The following BBX variants were observed in gnomAD, a reference collection of about 807,000 sequenced individuals.
The protein encoded by BBX is HMG box transcription factor BBX.
BBX carries 30 observed loss-of-function variants against 100.2 expected under a neutral mutation model. That is an observed-to-expected ratio of 0.30 (90% CI 0.22 to 0.41). The LOEUF is 0.41. BBX is among the 10% of genes least tolerant of loss of function. The pLI is 1.00. For synonymous variants in BBX, 376 were observed against 388.1 expected (o/e 0.97, Z 0.37); for missense variants, 1,023 against 1,129.8 (o/e 0.91, Z 1.35).
At chr3:107,622,679 C>CT (rs1056020702) in intron 2 of BBX, among the ~76,000 whole-genome samples, 3 of 152,066 alleles carry the variant, frequency 2.0e-5, no homozygotes, top group Non-Finnish European at 4.4e-5. Flanking sequence ...GCTTGAGTGT[C>CT]TTTTTTCTGT....
At chr3:107,590,590 A>G (rs917358299) in intron 2 of BBX, among the ~76,000 whole-genome samples, 4 of 152,132 alleles carry the variant, frequency 2.6e-5, no homozygotes, top group African/African-American at 7.2e-5. Context: ...GCTCCCATGT[A>G]TGAGTGAGAA....
chr3:107,526,496 AC>A (rs1036002760), intron 2 of BBX, 98 bp downstream of exon 2: 3 of 396,316 alleles, frequency 7.6e-6, no homozygotes, highest in African/African-American at 6.2e-5. Flanking sequence ...TATTGGGGTT[AC>A]AGCACCCCAG....
chr3:107,601,600 A>G (rs894472130), intron 2 of BBX, among the ~76,000 whole-genome samples: 2 of 152,204 alleles, frequency 1.3e-5, no homozygotes, highest in Admixed American at 6.5e-5. Flanking sequence ...ACTCTCTTCA[A>G]TCCTCTGAAG....
At chr3:107,533,002 G>C (rs1303640254) in intron 2 of BBX, among the ~76,000 whole-genome samples, 1 of 151,772 alleles carries the variant, frequency 6.6e-6, no homozygotes, top group Non-Finnish European at 1.5e-5. Context: ...TCAGAAGTGT[G>C]GTATCAAAAC....
intron 3 of BBX, among the ~76,000 whole-genome samples, chr3:107,656,265 C>G (rs1465935281): frequency 1.3e-5 from 2 of 152,150 alleles, no homozygotes; most frequent in Non-Finnish European, 2.9e-5. Context: ...AAAGCCAGTA[C>G]AGCTTGGTCT....
Position 107,733,056 on chromosome 3 carries a change from C to T in BBX, c.669+33C>T, listed in dbSNP as rs746809616. On this transcript the variant is annotated intron_variant, in intron 7 of 17. Transcript: ENST00000325805. ...AGTCCTTTTCCGTCTCCACTCTGCT[C>T]ATACTGTGGGTTGGGAACACAGTTA... 3 of 1,591,576 alleles carry T rather than the reference C, an allele frequency of 1.9e-6. No individual in the cohort carries two copies. In the South Asian group the frequency reaches 3.4e-5, roughly 18 times the overall value.
At chr3:107,649,929 G>A (rs1325619361) in intron 3 of BBX, among the ~76,000 whole-genome samples, 1 of 152,120 alleles carries the variant, frequency 6.6e-6, no homozygotes, top group Non-Finnish European at 1.5e-5. Context: ...CTTTTACTCT[G>A]TATATTAATA....
At chr3:107,619,730 G>A (rs559989968) in intron 2 of BBX, among the ~76,000 whole-genome samples, 5 of 152,136 alleles carry the variant, frequency 3.3e-5, no homozygotes, top group Non-Finnish European at 5.9e-5. Context: ...ATCCTGGATC[G>A]ACAGTCCTTT....
At chr3:107,780,064 T>C (rs962804071) in intron 13 of BBX, among the ~76,000 whole-genome samples, 1 of 152,100 alleles carries the variant, frequency 6.6e-6, no homozygotes, top group African/African-American at 2.4e-5. Flanking sequence ...AGAAATAAAG[T>C]AGGCTTGTTG....
chr3:107,753,026 ACTGAGAGAGGGTCCTAAGAC>A (rs2065195291), intron 9 of BBX, among the ~76,000 whole-genome samples: 1 of 152,226 alleles, frequency 6.6e-6, no homozygotes, highest in Non-Finnish European at 1.5e-5. Context: ...AGATGAGATT[ACTGAGAGAGGGTCCTAAGAC>A]AAAACACTGA....
chr3:107,533,637 G>A (rs1388310700), intron 2 of BBX, among the ~76,000 whole-genome samples: 2 of 152,174 alleles, frequency 1.3e-5, no homozygotes, highest in Non-Finnish European at 2.9e-5. Flanking sequence ...CCATTTTGAC[G>A]TGATGATTCC....
intron 9 of BBX, among the ~76,000 whole-genome samples, chr3:107,754,901 G>T (rs963112292): frequency 6.6e-6 from 1 of 152,122 alleles, no homozygotes; most frequent in Non-Finnish European, 1.5e-5. Flanking sequence ...ATGAGAAAAG[G>T]CAGTGTTGTT....
At chr3:107,678,404 G>A (rs886794314) in intron 3 of BBX, among the ~76,000 whole-genome samples, 1 of 151,946 alleles carries the variant, frequency 6.6e-6, no homozygotes, top group Admixed American at 6.6e-5. Context: ...TACTTTTTTT[G>A]GTTACATGAG....
chr3:107,658,015 A>G (rs761167951), intron 3 of BBX, among the ~76,000 whole-genome samples: 12 of 152,140 alleles, frequency 7.9e-5, no homozygotes, highest in Non-Finnish European at 1.6e-4. Flanking sequence ...GGATATCTAA[A>G]TGCCTGAAAA....
intron 2 of BBX, among the ~76,000 whole-genome samples, chr3:107,549,600 A>C (rs1179246275): frequency 6.6e-6 from 1 of 152,152 alleles, no homozygotes; most frequent in Non-Finnish European, 1.5e-5. Context: ...ATTCCTGTTC[A>C]GCATGAAAAG....
At chr3:107,525,731 C>T (rs567770819) in intron 1 of BBX, among the ~76,000 whole-genome samples, 1 of 152,224 alleles carries the variant, frequency 6.6e-6, no homozygotes, top group African/African-American at 2.4e-5. Context: ...TGGCCCTGCA[C>T]TTGCCGCTGT....
At chr3:107,607,778 G>A (rs1367463329) in intron 2 of BBX, among the ~76,000 whole-genome samples, 10 of 152,068 alleles carry the variant, frequency 6.6e-5, no homozygotes, top group African/African-American at 1.4e-4. Flanking sequence ...ATACCTCACT[G>A]TAATTTTATT....
At chr3:107,607,452 A>G (rs1394689327) in intron 2 of BBX, among the ~76,000 whole-genome samples, 1 of 152,124 alleles carries the variant, frequency 6.6e-6, no homozygotes, top group East Asian at 1.9e-4. Context: ...TTGTTCATTC[A>G]TCTGTTGATG....
chr3:107,734,138 A>G (rs542081445), intron 7 of BBX, among the ~76,000 whole-genome samples: 2 of 152,318 alleles, frequency 1.3e-5, no homozygotes, highest in Admixed American at 6.5e-5. Context: ...CTTGAAGGCT[A>G]TTCAAATAGT....
Sources: gnomAD v4.1 joint callset for allele counts (sites outside exome capture counted in the v4.1 genomes callset) on GRCh38, gnomAD v4.1.1 for gene constraint, MANE v1.5 for transcripts, NCBI Gene and HGNC (gene_info 2026-07-23, HGNC 2026-07-21) for gene names.